Variants in PTGER3 observed in about 807,000 individuals in gnomAD.
PTGER3 encodes the protein prostaglandin E receptor 3, also known as prostaglandin E2 receptor EP3 subtype.
In PTGER3, 22 loss-of-function variants were observed where a neutral mutation model predicts 34.7. The observed-to-expected ratio is 0.63, with a 90% CI of 0.45 to 0.91. The LOEUF is 0.91. PTGER3 is among the 40% of genes least tolerant of loss of function. The pLI, the probability that PTGER3 is intolerant of heterozygous loss-of-function variation, is 0.00. For synonymous variants in PTGER3, 241 were observed against 230.1 expected, an observed-to-expected ratio of 1.05 and a Z score of -0.43; for missense variants, 468 against 519.4, an observed-to-expected ratio of 0.90 and a Z score of 0.96.
intron 4 of PTGER3, among the ~76,000 whole-genome samples, chr1:70,860,819 A>T (rs1170740529): frequency 6.6e-6 from 1 of 152,228 alleles, no homozygotes; most frequent in Non-Finnish European, 1.5e-5. Flanking sequence ...AGGCAAAGAA[A>T]AAAGTAGAAT....
intron 2 of PTGER3, among the ~76,000 whole-genome samples, chr1:70,982,626 G>A (rs1654492763): frequency 6.6e-6 from 1 of 151,982 alleles, no homozygotes; most frequent in Admixed American, 6.6e-5. Context: ...TATTTCATGG[G>A]CCACAAGTCT....
chr1:70,993,304 T>C (rs117393139), intron 2 of PTGER3, among the ~76,000 whole-genome samples: 1 of 152,316 alleles, frequency 6.6e-6, no homozygotes, highest in East Asian at 1.9e-4. Flanking sequence ...GCAAGACTCC[T>C]GGGTCTTTGG....
intron 2 of PTGER3, chr1:71,005,965 AG>A: frequency 1.8e-6 from 1 of 543,350 alleles, no homozygotes; most frequent in East Asian, 1.5e-4. Context: ...TGGTCAGATG[AG>A]GGTAATTAGC....
chr1:71,037,407 GT>G (rs1392157697), intron 1 of PTGER3, among the ~76,000 whole-genome samples: 1 of 152,174 alleles, frequency 6.6e-6, no homozygotes, highest in African/African-American at 2.4e-5. Context: ...CTCGAGCAAC[GT>G]AACTGCTCAA....
chr1:71,045,941 A>C (rs1377960426), intron 1 of PTGER3, among the ~76,000 whole-genome samples: 1 of 151,740 alleles, frequency 6.6e-6, no homozygotes, highest in Non-Finnish European at 1.5e-5. Context: ...GAGGGCTGTG[A>C]CTGTATGGGG....
chr1:70,931,872 G>C (rs961921290), intron 4 of PTGER3, among the ~76,000 whole-genome samples: 8 of 152,092 alleles, frequency 5.3e-5, no homozygotes, highest in African/African-American at 1.9e-4. Context: ...TTAACATTCA[G>C]CTCCTTGCTA....
chr1:71,036,618 A>G (rs563793260), intron 1 of PTGER3, among the ~76,000 whole-genome samples: 1 of 152,256 alleles, frequency 6.6e-6, no homozygotes, highest in East Asian at 1.9e-4. Flanking sequence ...AGGTGGGCGG[A>G]TCACAAGGTC....
Position 71,046,846 on chromosome 1 carries a change from G to A in PTGER3, c.732C>T (p.Val244=), listed in dbSNP as rs1451936745. Residue 244 remains valine, a synonymous_variant, in exon 1 of 4, where the codon GTC becomes GTT. Coordinates refer to ENST00000306666, the MANE Select transcript of PTGER3 (RefSeq NM_198719.2). The part of the protein sequence containing the change: ...FAFLGLLALT[V]TFSCNLATIK... ...TGGTGGCCAGGTTGCAGGAAAAGGTGACTGTCAGCGCCAAGAGCCCCAGGA... is the reference window on the plus strand; with the variant it reads ...TGGTGGCCAGGTTGCAGGAAAAGGTAACTGTCAGCGCCAAGAGCCCCAGGA... 6 of 1,613,982 alleles carry A rather than the reference G, an allele frequency of 3.7e-6. No individual in the cohort carries two copies. The highest frequency in any genetic ancestry group is 5.1e-6 in the Non-Finnish European group (6 of 1,180,050).
At chr1:70,962,735 GA>G (rs1652072278) in intron 2 of PTGER3, among the ~76,000 whole-genome samples, 1 of 152,168 alleles carries the variant, frequency 6.6e-6, no homozygotes. Flanking sequence ...CAACATGTGG[GA>G]ATTCTGGGAG....
intron 4 of PTGER3, among the ~76,000 whole-genome samples, chr1:70,946,021 T>C (rs1351965394): frequency 6.6e-6 from 1 of 152,030 alleles, no homozygotes; most frequent in Non-Finnish European, 1.5e-5. Flanking sequence ...TTTTAGTAAT[T>C]TCATGACTTC....
intron 1 of PTGER3, among the ~76,000 whole-genome samples, chr1:71,030,693 A>C (rs568721531): frequency 6.6e-6 from 1 of 152,044 alleles, no homozygotes; most frequent in Non-Finnish European, 1.5e-5. Flanking sequence ...ACAAGTGAAA[A>C]CTCCTGTCAC....
chr1:70,927,854 CAG>C (rs1041065047), intron 4 of PTGER3, among the ~76,000 whole-genome samples: 5 of 152,186 alleles, frequency 3.3e-5, no homozygotes, highest in African/African-American at 9.6e-5. Flanking sequence ...AACTGACACA[CAG>C]AGGGGCTATG....
At chr1:70,933,279 C>T (rs1648895932) in intron 4 of PTGER3, among the ~76,000 whole-genome samples, 1 of 152,106 alleles carries the variant, frequency 6.6e-6, no homozygotes, top group African/African-American at 2.4e-5. Context: ...TAAACTCTGT[C>T]CTCTCTGAGT....
At chr1:71,001,224 G>A (rs929468058) in intron 2 of PTGER3, among the ~76,000 whole-genome samples, 4 of 151,798 alleles carry the variant, frequency 2.6e-5, no homozygotes, top group Admixed American at 6.6e-5. Context: ...CACATTTGAG[G>A]TATAACAGAT....
downstream of PTGER3, among the ~76,000 whole-genome samples, chr1:70,968,940 C>T (rs989022580): frequency 2.6e-5 from 4 of 152,068 alleles, no homozygotes; most frequent in Admixed American, 2.6e-4. Flanking sequence ...AGCATGGTGG[C>T]TCACACCTGT....
At chr1:70,975,710 A>T (rs1336092520) in intron 2 of PTGER3, among the ~76,000 whole-genome samples, 1 of 152,186 alleles carries the variant, frequency 6.6e-6, no homozygotes, top group Non-Finnish European at 1.5e-5. Context: ...CAAAAATTAC[A>T]CTTTGACCAA....
intron 4 of PTGER3, among the ~76,000 whole-genome samples, chr1:70,917,403 TTGTGTGTGTGTGTG>T (rs59163586): frequency 1.5e-4 from 21 of 136,276 alleles, no homozygotes; most frequent in Non-Finnish European, 2.2e-4. Flanking sequence ...GTATTTTATT[TTGTGTGTGTGTGTG>T]TGTGTGTGTG....
At chr1:71,012,219 G>A (rs778997204) in intron 2 of PTGER3, 86 bp downstream of exon 2, 1 of 1,609,370 alleles carries the variant, frequency 6.2e-7, no homozygotes, top group Non-Finnish European at 8.5e-7. Flanking sequence ...TTTCTTTCAT[G>A]CTTCTGTCTG....
chr1:70,895,689 AT>A, intron 4 of PTGER3, among the ~76,000 whole-genome samples: 1 of 152,326 alleles, frequency 6.6e-6, no homozygotes. Context: ...TGCTGAAGAA[AT>A]TTCAGAGAAC....
Sources: allele counts gnomAD v4.1 joint callset (sites outside exome capture counted in the v4.1 genomes callset), GRCh38; gene constraint gnomAD v4.1.1; transcripts MANE v1.5; gene names NCBI Gene and HGNC (gene_info 2026-07-23, HGNC 2026-07-21).